The following ABI2 variants were observed in gnomAD, a reference collection of about 807,000 sequenced individuals.
ABI2 encodes abelson interactor 2.
Under a neutral mutation model 59.2 loss-of-function variants are expected in ABI2, and 25 were observed. The observed-to-expected ratio is 0.42, with a 90% CI of 0.31 to 0.59. The LOEUF (loss-of-function observed/expected upper bound fraction) is 0.59, where lower values mean the gene tolerates loss of function less well. Among genes scored for constraint, ABI2 ranks in the 20% least tolerant of loss-of-function variants. ABI2 has a pLI of 0.14. For synonymous variants in ABI2, 213 were observed against 235.5 expected (o/e 0.90, Z 0.87); for missense variants, 545 against 681.8 (o/e 0.80, Z 2.23).
At chr2:203,388,364 A>T (rs1031917522) in intron 4 of ABI2, among the ~76,000 whole-genome samples, 1 of 152,156 alleles carries the variant, frequency 6.6e-6, no homozygotes. Context: ...GATTCTACAG[A>T]TCATAAAATG....
chr2:203,420,706 C>G (rs35757626), intron 11 of ABI2, among the ~76,000 whole-genome samples: 1 of 152,084 alleles, frequency 6.6e-6, no homozygotes. Context: ...AGTCCCTTAT[C>G]TGGTTCATCT....
chr2:203,404,632 C>T (rs1400733672), intron 9 of ABI2, among the ~76,000 whole-genome samples: 1 of 152,180 alleles, frequency 6.6e-6, no homozygotes, highest in African/African-American at 2.4e-5. Flanking sequence ...AATCTCGGCT[C>T]ACTGCAACCT....
rs1376170939 is a variant in ABI2 at position 203,430,119 on chromosome 2, CT to C, written c.*2771del. The C allele has an allele frequency of 1.3e-5, 2 of 152,120 alleles. No homozygotes were observed. Among genetic ancestry groups the C allele is most frequent in the Non-Finnish European group, 2.9e-5 (2 of 68,020 alleles). The allele number at this position is 152,120 out of a possible 1,614,324, so 9.4% of individuals were successfully genotyped here. A position where few individuals can be genotyped will look rare whatever the true frequency, so the allele number is the denominator to read the frequency against. ...GGGTCAGGCACACAGTAATTGGAGA[CT>C]TTTAATGTATGTAATATTTCATAGA... On this transcript the variant is annotated 3_prime_UTR_variant, in exon 12 of 12. Transcript: ENST00000261018.
chr2:203,339,402 A>C (rs1305722049), intron 1 of ABI2, among the ~76,000 whole-genome samples: 1 of 151,904 alleles, frequency 6.6e-6, no homozygotes, highest in African/African-American at 2.4e-5. Flanking sequence ...CAATATGGTG[A>C]AACCCTGTTT....
rs1454235727 is a variant in ABI2 at position 203,430,317 on chromosome 2, C to T, written c.*2965C>T. 1.3e-5 allele frequency: 2 copies of T among 151,996 alleles called. No individual in the cohort carries two copies. Among genetic ancestry groups the T allele is most frequent in the Admixed American group, 6.6e-5 (1 of 15,258 alleles). 9.4% of individuals were successfully genotyped at this position (151,996 alleles called of 1,614,324 possible). ...CAGACGATCCAAGTCCAAAATCTGA[C>T]CAATAAAGCAACCATTTTATCAAGA... On this transcript the variant is annotated 3_prime_UTR_variant, in exon 12 of 12. Transcript: ENST00000261018.
intron 1 of ABI2, among the ~76,000 whole-genome samples, chr2:203,333,270 G>A (rs149985399): frequency 6.6e-6 from 1 of 152,138 alleles, no homozygotes; most frequent in Admixed American, 6.5e-5. Flanking sequence ...TATATATCTG[G>A]TACTCATACT....
chr2:203,373,067 C>T (rs879618063), intron 2 of ABI2, among the ~76,000 whole-genome samples: 4 of 152,062 alleles, frequency 2.6e-5, no homozygotes, highest in Non-Finnish European at 4.4e-5. Context: ...GGGTGGCGGC[C>T]GGGCAGAGGC....
intron 11 of ABI2, 147 bp downstream of exon 11, chr2:203,417,228 G>T: frequency 1.4e-6 from 1 of 697,486 alleles, no homozygotes; most frequent in Non-Finnish European, 2.1e-6. Context: ...CAAGGTTCAT[G>T]ATTTTGAAAG....
chr2:203,403,747 T>TTG (rs1553600481), intron 9 of ABI2, among the ~76,000 whole-genome samples: 3 of 143,858 alleles, frequency 2.1e-5, no homozygotes, highest in Admixed American at 1.4e-4. Context: ...TTTCTGTTTT[T>TTG]TTTTTTTTTT....
rs1312712237 is a variant in ABI2, at chr2:203,368,984, A to AATTTTTTTTTTTTTTTTTTTTTTTTTT, written c.285+1940_285+1941insATTTTTTTTTTTTTTTTTTTTTTTTTT. Among the ~76,000 whole-genome samples, 15 of 91,118 alleles carry AATTTTTTTTTTTTTTTTTTTTTTTTTT rather than the reference A, an allele frequency of 1.6e-4. 7 individuals carry two copies. The highest frequency in any genetic ancestry group is 5.6e-4 in the Admixed American group (4 of 7,168). The allele number at this position is 91,118 out of a possible 152,430, so 59.8% of individuals were successfully genotyped here. ...TACAGGCACGTGCCATGCTTGGCTG[A>AATTTTTTTTTTTTTTTTTTTTTTTTTT]TTTTTTTTTTTTTTTTTTTTTTTTT... On this transcript the variant is annotated intron_variant, in intron 2 of 11. Transcript: ENST00000261018.
intron 1 of ABI2, among the ~76,000 whole-genome samples, chr2:203,345,194 G>A (rs1353705014): frequency 6.6e-6 from 1 of 152,176 alleles, no homozygotes; most frequent in Non-Finnish European, 1.5e-5. Flanking sequence ...CACTCCTGAA[G>A]CCAGCGAGAC....
At chr2:203,360,494 G>A (rs188051814) in intron 1 of ABI2, among the ~76,000 whole-genome samples, 3 of 152,226 alleles carry the variant, frequency 2.0e-5, no homozygotes, top group South Asian at 2.1e-4. Flanking sequence ...AACAGTTGAG[G>A]CACTGTAAAC....
intron 2 of ABI2, 83 bp from the exon 3 acceptor site, chr2:203,380,125 A>T: frequency 1.2e-6 from 1 of 811,130 alleles, no homozygotes; most frequent in Non-Finnish European, 1.8e-6. Context: ...TAGCAATATT[A>T]AATCTCTAGG....
Position 203,363,827 on chromosome 2 carries a change from C to T in ABI2, c.118-3050C>T, listed in dbSNP as rs1318864715. 9.2e-5 allele frequency among the ~76,000 whole-genome samples: 14 copies of T among 151,906 alleles called. No homozygotes were observed. In the East Asian group the frequency reaches 1.2e-3, roughly 13 times the overall value. On this transcript the variant is annotated intron_variant, in intron 1 of 11. Transcript: ENST00000261018. ...TTACCCAGGCTGGAGTGCAATGGTG[C>T]GATCTCGGCTCACTGCAACCTCTGC...
In ABI2 at chr2:203,430,606, CTTGT is replaced by C. The variant is rs2098475649; in HGVS notation, c.*3257_*3260del. 6.6e-6 allele frequency: 1 copy of C among 152,186 alleles called. No individual in the cohort carries two copies. Among genetic ancestry groups the C allele is most frequent in the Non-Finnish European group, 1.5e-5 (1 of 68,028 alleles). 9.4% of individuals were successfully genotyped at this position (152,186 alleles called of 1,614,324 possible). Reference sequence around the variant, plus strand: ...AATAAATATGAATCTTCTAAGCTATCTTGTTTAATATTTTCCATCATTTAGCTAC... The same window carrying C: ...AATAAATATGAATCTTCTAAGCTATCTTAATATTTTCCATCATTTAGCTAC... On this transcript the variant is annotated 3_prime_UTR_variant, in exon 12 of 12. Transcript: ENST00000261018.
intron 1 of ABI2, among the ~76,000 whole-genome samples, chr2:203,354,137 C>T (rs148094512): frequency 7.5e-4 from 114 of 152,246 alleles, no homozygotes; most frequent in African/African-American, 2.6e-3. Context: ...CTCCACCTCC[C>T]GGGCTCAAGC....
intron 1 of ABI2, among the ~76,000 whole-genome samples, chr2:203,338,078 T>C (rs573564938): frequency 6.6e-6 from 1 of 152,288 alleles, no homozygotes; most frequent in African/African-American, 2.4e-5. Context: ...ATAAAAGACA[T>C]GTAGACTAAT....
In ABI2 at chr2:203,430,408, A is replaced by C. The variant is rs1368090310; in HGVS notation, c.*3056A>C. The C allele has an allele frequency of 1.3e-5, 2 of 152,216 alleles. No individual in the cohort carries two copies. Among genetic ancestry groups the C allele is most frequent in the African/African-American group, 4.8e-5 (2 of 41,466 alleles). The allele number at this position is 152,216 out of a possible 1,614,324, so 9.4% of individuals were successfully genotyped here. ...AGTTTGTGTGTCCAGTCCCCTTAAA[A>C]AAAATGAATAGTTGTCTTTTCTTGT... is the stretch of plus-strand genomic sequence containing the variant. On this transcript the variant is annotated 3_prime_UTR_variant, in exon 12 of 12. Transcript: ENST00000261018.
intron 10 of ABI2, 103 bp from the exon 11 acceptor site, chr2:203,416,805 A>G: frequency 8.2e-7 from 1 of 1,217,800 alleles, no homozygotes. Context: ...TATTACATTT[A>G]TTTTCAAGTC....
Sources: gnomAD v4.1 joint callset for allele counts (sites outside exome capture counted in the v4.1 genomes callset) on GRCh38, gnomAD v4.1.1 for gene constraint, MANE v1.5 for transcripts, NCBI Gene and HGNC (gene_info 2026-07-23, HGNC 2026-07-21) for gene names.